MLLT10: variants seen among roughly 807,000 people sequenced by gnomAD.
MLLT10 encodes MLLT10 histone lysine methyltransferase DOT1L cofactor, also known as protein AF-10.
In MLLT10, 30 loss-of-function variants were observed where a neutral mutation model predicts 129.1. That is an observed-to-expected ratio of 0.23 (90% CI 0.17 to 0.32). MLLT10 has a LOEUF of 0.32. MLLT10 is among the 10% of genes least tolerant of loss of function. The probability of loss-of-function intolerance (pLI) is 1.00; values close to 1 mark genes in which losing one functional copy is unlikely to be tolerated. For synonymous variants in MLLT10, 490 were observed against 446.4 expected (o/e 1.10, Z -1.23); for missense variants, 1,119 against 1,268.3 (o/e 0.88, Z 1.79).
chr10:21,615,993 C>A (rs2045215809), intron 7 of MLLT10, among the ~76,000 whole-genome samples: 1 of 151,648 alleles, frequency 6.6e-6, no homozygotes, highest in Non-Finnish European at 1.5e-5. Flanking sequence ...ATTATATTTC[C>A]CTTGTGAATG....
At chr10:21,670,252 T>C (rs536206029) in intron 9 of MLLT10, among the ~76,000 whole-genome samples, 197 bp from the exon 10 acceptor site, 4 of 152,152 alleles carry the variant, frequency 2.6e-5, no homozygotes, top group Non-Finnish European at 5.9e-5. Context: ...GCTTTTTCTT[T>C]TCTTTTCTTT....
At chr10:21,543,453 C>T (rs2035551990) in intron 3 of MLLT10, among the ~76,000 whole-genome samples, 1 of 151,692 alleles carries the variant, frequency 6.6e-6, no homozygotes, top group African/African-American at 2.4e-5. Context: ...AAAGCAAAAC[C>T]TTTTTAAAAT....
intron 13 of MLLT10, 78 bp downstream of exon 13, chr10:21,682,335 T>C (rs567067765): frequency 1.5e-6 from 2 of 1,326,446 alleles, no homozygotes; most frequent in African/African-American, 2.9e-5. Context: ...GATTGAAAGC[T>C]AGCATGTTCT....
chr10:21,692,046 C>T (rs1236811213), intron 13 of MLLT10, among the ~76,000 whole-genome samples: 2 of 148,750 alleles, frequency 1.3e-5, no homozygotes, highest in South Asian at 2.1e-4. Flanking sequence ...GGTGGTGGCA[C>T]GTCTGTAATC....
chr10:21,741,549 G>A (rs1371815202), intron 22 of MLLT10, among the ~76,000 whole-genome samples: 3 of 152,058 alleles, frequency 2.0e-5, no homozygotes, highest in Non-Finnish European at 2.9e-5. Flanking sequence ...TTAGTAAAAG[G>A]AAACGCAAAG....
Position 21,740,013 on chromosome 10 carries a change from CATG to C in MLLT10, c.2956-16_2956-14del. On this transcript the variant is annotated splice_polypyrimidine_tract_variant and intron_variant, in intron 21 of 22. Transcript: ENST00000307729. ...GTGCTTGGGAACTCATTTTCTCTCA[CATG>C]TTTTTTGCCTAAGGAACAACATCAA... 1 of 1,572,174 alleles carries C rather than the reference CATG, an allele frequency of 6.4e-7. No homozygotes were observed. Among genetic ancestry groups the C allele is most frequent in the South Asian group, 1.2e-5 (1 of 86,780 alleles).
chr10:21,706,274 T>C (rs1335806879), intron 13 of MLLT10, among the ~76,000 whole-genome samples: 2 of 152,216 alleles, frequency 1.3e-5, no homozygotes, highest in African/African-American at 2.4e-5. Context: ...TACTATGTGG[T>C]AGACAGCATA....
chr10:21,672,455 G>A (rs1337833364), intron 10 of MLLT10, among the ~76,000 whole-genome samples: 2 of 151,976 alleles, frequency 1.3e-5, no homozygotes, highest in African/African-American at 4.8e-5. Context: ...AGAGGCACAC[G>A]TCACCACCCC....
chr10:21,572,354 C>T (rs1405247380), intron 3 of MLLT10, among the ~76,000 whole-genome samples: 4 of 152,122 alleles, frequency 2.6e-5, no homozygotes, highest in African/African-American at 7.2e-5. Context: ...TTTCGAAGTT[C>T]TGCATATTCT....
At chr10:21,620,599 T>C (rs974656813) in intron 8 of MLLT10, among the ~76,000 whole-genome samples, 2 of 152,214 alleles carry the variant, frequency 1.3e-5, no homozygotes, top group African/African-American at 2.4e-5. Context: ...TCATAAGATA[T>C]ACATTGAACC....
intron 3 of MLLT10, among the ~76,000 whole-genome samples, chr10:21,573,128 A>G (rs1006150465): frequency 2.0e-5 from 3 of 152,194 alleles, no homozygotes; most frequent in African/African-American, 7.2e-5. Flanking sequence ...TGATTGTCAT[A>G]AAACACTGTT....
At chr10:21,547,444 C>T (rs1321694032) in intron 3 of MLLT10, among the ~76,000 whole-genome samples, 1 of 150,630 alleles carries the variant, frequency 6.6e-6, no homozygotes, top group East Asian at 1.9e-4. Flanking sequence ...CTGTGTTGCC[C>T]AGGCTGGTCT....
rs1351664788 is a variant in MLLT10, at chr10:21,536,723, A to G, written c.160+1919A>G. Among the ~76,000 whole-genome samples the G allele has an allele frequency of 3.3e-5, 5 of 151,292 alleles. No homozygotes were observed. In the East Asian group the frequency reaches 7.7e-4, roughly 23 times the overall value. ...GCTGGGACCACAGGCCTGGACAACC[A>G]TGTCGGGCTAATTTTGTATTTTTGG... On this transcript the variant is annotated intron_variant, in intron 2 of 22. Coordinates refer to ENST00000307729, the MANE Select transcript of MLLT10 (RefSeq NM_001195626.3).
At chr10:21,684,831 G>A (rs1480372530) in intron 13 of MLLT10, among the ~76,000 whole-genome samples, 2 of 152,040 alleles carry the variant, frequency 1.3e-5, no homozygotes, top group African/African-American at 4.8e-5. Flanking sequence ...CCGACTTTAC[G>A]TTGCATCAAT....
intron 13 of MLLT10, among the ~76,000 whole-genome samples, chr10:21,684,406 T>G (rs1192899623): frequency 6.6e-6 from 1 of 152,222 alleles, no homozygotes; most frequent in African/African-American, 2.4e-5. Flanking sequence ...AAAAACCTAA[T>G]AAGCTTCATT....
Position 21,632,469 on chromosome 10 carries a change from C to T in MLLT10, c.699+15262C>T, listed in dbSNP as rs189633055. On this transcript the variant is annotated intron_variant, in intron 8 of 22. Coordinates refer to ENST00000307729, the MANE Select transcript of MLLT10 (RefSeq NM_001195626.3). ...TGTATTTATCACCTGTGGCAAATGA[C>T]CTAGTTTTCATTTCCATTTTTATAG... 3.9e-3 allele frequency among the ~76,000 whole-genome samples: 595 copies of T among 152,014 alleles called. 8 individuals are homozygous for T. Among genetic ancestry groups the T allele is most frequent in the African/African-American group, 0.014 (566 of 41,466 alleles).
intron 3 of MLLT10, chr10:21,556,819 T>C: frequency 6.4e-7 from 1 of 1,561,924 alleles, no homozygotes; most frequent in African/African-American, 1.4e-5. Flanking sequence ...CTTTCTTCGG[T>C]CCTCAGTCAT....
At chr10:21,594,923 AAG>A (rs1234900168) in intron 4 of MLLT10, among the ~76,000 whole-genome samples, 1 of 152,200 alleles carries the variant, frequency 6.6e-6, no homozygotes, top group Non-Finnish European at 1.5e-5. Context: ...TATTGACACT[AAG>A]ATAAAAATAA....
At chr10:21,629,226 G>T (rs1278085400) in intron 8 of MLLT10, among the ~76,000 whole-genome samples, 1 of 151,920 alleles carries the variant, frequency 6.6e-6, no homozygotes, top group Non-Finnish European at 1.5e-5. Context: ...TTATAGCCTG[G>T]CCTCGGAAGT....
Sources: gnomAD v4.1 joint callset for allele counts (sites outside exome capture counted in the v4.1 genomes callset) on GRCh38, gnomAD v4.1.1 for gene constraint, MANE v1.5 for transcripts, NCBI Gene and HGNC (gene_info 2026-07-23, HGNC 2026-07-21) for gene names.